SEMA3A: variants seen among roughly 807,000 people sequenced by gnomAD.
SEMA3A encodes semaphorin 3A.
SEMA3A carries 29 observed loss-of-function variants against 97.9 expected under a neutral mutation model. The observed-to-expected ratio is 0.30, with a 90% CI of 0.22 to 0.40. The LOEUF is 0.40. Ranked by LOEUF, SEMA3A falls within the 10% of genes least tolerant of loss-of-function variation. The probability of loss-of-function intolerance (pLI) is 1.00; values close to 1 mark genes in which losing one functional copy is unlikely to be tolerated. For missense variants in SEMA3A, 763 were observed against 951.3 expected (o/e 0.80, Z 2.60); for synonymous variants, 321 against 323.7 (o/e 0.99, Z 0.09).
In SEMA3A at chr7:83,961,028, G is replaced by A. The variant is rs1788448435; in HGVS notation, c.*343C>T. 1 of 277,172 alleles carries A rather than the reference G, an allele frequency of 3.6e-6. No individual in the cohort carries two copies. The highest frequency in any genetic ancestry group is 1.0e-4 in the East Asian group (1 of 9,810). The allele number at this position is 277,172 out of a possible 1,614,324, so 17.2% of individuals were successfully genotyped here. On this transcript the variant is annotated 3_prime_UTR_variant, in exon 17 of 17. Coordinates refer to ENST00000265362, the MANE Select transcript of SEMA3A (RefSeq NM_006080.3). Reference sequence around the variant, plus strand: ...TCAATACAATGGCTTTGCTGATGCAGTTTTTCTCCTTTAGATGGCAATATG... The same window carrying A: ...TCAATACAATGGCTTTGCTGATGCAATTTTTCTCCTTTAGATGGCAATATG...
intron 5 of SEMA3A, 52 bp from the exon 6 acceptor site, chr7:84,046,495 A>C: frequency 6.3e-7 from 1 of 1,582,432 alleles, no homozygotes; most frequent in Admixed American, 1.7e-5. Flanking sequence ...TAAGGCAAAA[A>C]CAAAACAAAA....
rs945287299 is a variant in SEMA3A, at chr7:84,200,495, G to T, written c.-82-5827C>A. On this transcript the variant is annotated intron_variant, in intron 3 of 3. Coordinates refer to the SEMA3A transcript ENST00000424555. ...AGGATGAAAGAGAGTGACAAGAGAA[G>T]GGATGCATAAAATTTCATAAGTTAT... Among the ~76,000 whole-genome samples, 18 of 152,026 alleles carry T rather than the reference G, an allele frequency of 1.2e-4. No individual in the cohort carries two copies. In the East Asian group the frequency reaches 3.5e-3, roughly 29 times the overall value.
Position 84,060,511 on chromosome 7 carries a change from C to T in SEMA3A, c.501G>A (p.Gly167=). 6.3e-7 allele frequency: 1 copy of T among 1,595,660 alleles called. No individual in the cohort carries two copies. The highest frequency in any genetic ancestry group is 2.3e-5 in the East Asian group (1 of 43,830). ...GCAGCTTAGGGTCATATGGACTCTTCCCACGGCCGTTTTCAAAATGTGAGT... is the reference window on the plus strand; with the variant it reads ...GCAGCTTAGGGTCATATGGACTCTTTCCACGGCCGTTTTCAAAATGTGAGT... The part of the protein sequence containing the change: ...LENSHFENGR[G]KSPYDPKLLT... The change falls in exon 5 of 17, where the codon GGG becomes GGA. Residue 167 remains glycine, a synonymous_variant. Transcript: ENST00000265362.
chr7:84,071,491 T>C (rs146120305), intron 4 of SEMA3A, among the ~76,000 whole-genome samples: 1 of 152,222 alleles, frequency 6.6e-6, no homozygotes, highest in Non-Finnish European at 1.5e-5. Flanking sequence ...GCAGGACAGA[T>C]GAAAAAATAC....
chr7:84,475,360 T>A (rs1459789733), intron 1 of SEMA3A, among the ~76,000 whole-genome samples: 1 of 152,162 alleles, frequency 6.6e-6, no homozygotes, highest in African/African-American at 2.4e-5. Context: ...TCATTGCTTT[T>A]GGAGTGGTGG....
rs1446357845 is a variant in SEMA3A, at chr7:84,099,146, C to G, written c.453+11324G>C. ...AGTGCAGTGGCGCGATCTCGGCTCA[C>G]TGCAAGCTCCGCCTCCCGGGTTCAC... On this transcript the variant is annotated intron_variant, in intron 4 of 16. Transcript: ENST00000265362. 7.3e-5 allele frequency among the ~76,000 whole-genome samples: 4 copies of G among 54,778 alleles called. 2 individuals are homozygous for G. Among genetic ancestry groups the G allele is most frequent in the Non-Finnish European group, 2.4e-4 (4 of 16,688 alleles). 35.9% of individuals were successfully genotyped at this position (54,778 alleles called of 152,430 possible). A position where few individuals can be genotyped will look rare whatever the true frequency, so the allele number is the denominator to read the frequency against.
At chr7:84,419,869 A>G (rs1241073787) in intron 1 of SEMA3A, among the ~76,000 whole-genome samples, 1 of 152,214 alleles carries the variant, frequency 6.6e-6, no homozygotes, top group East Asian at 1.9e-4. Context: ...GGAATGCTCC[A>G]GAACAGATGC....
At chr7:83,988,842 C>T (rs1232635901) in intron 12 of SEMA3A, among the ~76,000 whole-genome samples, 1 of 148,488 alleles carries the variant, frequency 6.7e-6, no homozygotes, top group Non-Finnish European at 1.5e-5. Context: ...TAGAGCACAA[C>T]ACATCATGGA....
At position 84,449,016 on chromosome 7, in the gene SEMA3A, C is replaced by G. The variant is rs571188760; in HGVS notation, c.-246+43444G>C. Reference sequence around the variant, plus strand: ...CTCACATATATGGCCAAAAGTATTTCAACAAAATTGCCAAGACCATTCAAG... The same window carrying G: ...CTCACATATATGGCCAAAAGTATTTGAACAAAATTGCCAAGACCATTCAAG... On this transcript the variant is annotated intron_variant, in intron 1 of 3. Coordinates refer to the SEMA3A transcript ENST00000424555. 2.4e-4 allele frequency among the ~76,000 whole-genome samples: 37 copies of G among 152,118 alleles called. No homozygotes were observed. In the South Asian group the frequency reaches 7.7e-3, roughly 32 times the overall value.
chr7:84,373,291 G>A (rs1311607328), intron 1 of SEMA3A, among the ~76,000 whole-genome samples: 1 of 152,122 alleles, frequency 6.6e-6, no homozygotes, highest in Non-Finnish European at 1.5e-5. Context: ...AATACATGTT[G>A]AATAGAATCA....
chr7:84,196,251 G>A (rs1380458858), upstream of SEMA3A, among the ~76,000 whole-genome samples: 1 of 152,032 alleles, frequency 6.6e-6, no homozygotes, highest in African/African-American at 2.4e-5. Context: ...ACTGAAAGTG[G>A]CTTAGTATTC....
At chr7:84,039,586 A>G (rs1584581240) in intron 6 of SEMA3A, among the ~76,000 whole-genome samples, 1 of 152,246 alleles carries the variant, frequency 6.6e-6, no homozygotes, top group South Asian at 2.1e-4. Context: ...GAGGTCACTT[A>G]GGATTAGATG....
At chr7:84,275,256 A>G (rs1800265182) in intron 3 of SEMA3A, among the ~76,000 whole-genome samples, 1 of 152,052 alleles carries the variant, frequency 6.6e-6, no homozygotes, top group African/African-American at 2.4e-5. Flanking sequence ...GATGATATAT[A>G]CTCTCTCACT....
chr7:84,487,634 C>T (rs764499869), intron 1 of SEMA3A, among the ~76,000 whole-genome samples: 1 of 151,974 alleles, frequency 6.6e-6, no homozygotes, highest in African/African-American at 2.4e-5. Flanking sequence ...AGATTAACTT[C>T]AAGAAGTTAA....
intron 1 of SEMA3A, among the ~76,000 whole-genome samples, chr7:84,440,222 T>G (rs1237443540): frequency 6.6e-6 from 1 of 152,178 alleles, no homozygotes; most frequent in Non-Finnish European, 1.5e-5. Flanking sequence ...CGTTGATGGC[T>G]TACATCTTTC....
intron 5 of SEMA3A, among the ~76,000 whole-genome samples, chr7:84,052,022 T>C (rs887810964): frequency 1.8e-4 from 28 of 151,858 alleles, no homozygotes; most frequent in African/African-American, 5.5e-4. Context: ...TTTATTGATT[T>C]GCGTATATTG....
chr7:84,433,860 T>A (rs967884896), intron 1 of SEMA3A, among the ~76,000 whole-genome samples: 4 of 152,224 alleles, frequency 2.6e-5, no homozygotes, highest in Non-Finnish European at 4.4e-5. Context: ...GTTTGTTGGC[T>A]GCATAAATGT....
intron 1 of SEMA3A, among the ~76,000 whole-genome samples, chr7:84,163,059 G>T (rs982975371): frequency 6.6e-6 from 1 of 152,090 alleles, no homozygotes; most frequent in Non-Finnish European, 1.5e-5. Flanking sequence ...TGGGTACTCT[G>T]CAAGATAAAT....
chr7:84,377,364 G>T (rs1005928785), intron 1 of SEMA3A, among the ~76,000 whole-genome samples: 1 of 152,120 alleles, frequency 6.6e-6, no homozygotes, highest in Non-Finnish European at 1.5e-5. Context: ...AATAAGCACA[G>T]AAATCAATTA....
Sources: gnomAD v4.1 joint callset for allele counts (sites outside exome capture counted in the v4.1 genomes callset) on GRCh38, gnomAD v4.1.1 for gene constraint, MANE v1.5 for transcripts, NCBI Gene and HGNC (gene_info 2026-07-23, HGNC 2026-07-21) for gene names.